Variants in TRPM3 observed in about 807,000 individuals in gnomAD.
The protein encoded by TRPM3 is long transient receptor potential channel 3.
In TRPM3, 77 loss-of-function variants were observed where a neutral mutation model predicts 181.2. That is an observed-to-expected ratio of 0.42 (90% CI 0.35 to 0.51). The LOEUF (loss-of-function observed/expected upper bound fraction) is 0.51, where lower values mean the gene tolerates loss of function less well. Ranked by LOEUF, TRPM3 falls within the 20% of genes least tolerant of loss-of-function variation. The pLI is 0.01. For synonymous variants in TRPM3, 745 were observed against 796.4 expected (o/e 0.94, Z 1.09); for missense variants, 1,759 against 2,196.7 (o/e 0.80, Z 3.98).
intron 1 of TRPM3, among the ~76,000 whole-genome samples, chr9:71,405,960 C>T (rs1438069227): frequency 2.6e-5 from 4 of 152,022 alleles, no homozygotes; most frequent in Non-Finnish European, 5.9e-5. Flanking sequence ...CATTTAATAT[C>T]GCGTTATCTT....
intron 1 of TRPM3, among the ~76,000 whole-genome samples, chr9:70,963,863 A>G (rs2097161214): frequency 6.6e-6 from 1 of 152,140 alleles, no homozygotes; most frequent in Non-Finnish European, 1.5e-5. Context: ...GTCAGAAAGA[A>G]ATCTTTTAAA....
chr9:71,006,378 A>G (rs188119340), intron 1 of TRPM3, among the ~76,000 whole-genome samples: 195 of 152,266 alleles, frequency 1.3e-3, no homozygotes, highest in Non-Finnish European at 2.5e-3. Context: ...TAAATTCTCT[A>G]ATTAAAAGAC....
At chr9:71,003,193 T>TA (rs34024667) in intron 1 of TRPM3, among the ~76,000 whole-genome samples, 39,204 of 129,098 alleles carry the variant, frequency 0.3, 7,286 homozygotes, top group African/African-American at 0.54. Flanking sequence ...TCCCTTGCCT[T>TA]AAAAAAAAAA....
intron 1 of TRPM3, among the ~76,000 whole-genome samples, chr9:71,142,219 G>A (rs1371544294): frequency 6.6e-6 from 1 of 152,152 alleles, no homozygotes; most frequent in East Asian, 1.9e-4. Context: ...TCAAGAGAGT[G>A]GCTTGAGCTG....
At chr9:71,305,767 G>C (rs758026368) in intron 1 of TRPM3, among the ~76,000 whole-genome samples, 5 of 152,206 alleles carry the variant, frequency 3.3e-5, no homozygotes, top group Middle Eastern at 6.8e-3. Context: ...AGAAGTTTTG[G>C]AGTGCTAGTA....
chr9:70,772,845 G>A (rs371394036), intron 7 of TRPM3, among the ~76,000 whole-genome samples: 2 of 151,332 alleles, frequency 1.3e-5, no homozygotes, highest in African/African-American at 4.9e-5. Flanking sequence ...CACATGTCAG[G>A]TGGATTCTCT....
intron 1 of TRPM3, among the ~76,000 whole-genome samples, chr9:71,282,298 A>AC (rs2084863916): frequency 8.8e-6 from 1 of 113,798 alleles, no homozygotes; most frequent in South Asian, 2.5e-4. Context: ...AGAAAGAAAA[A>AC]GAAAGAACGA....
At chr9:71,176,674 C>G (rs1470107210) in intron 1 of TRPM3, among the ~76,000 whole-genome samples, 1 of 152,086 alleles carries the variant, frequency 6.6e-6, no homozygotes, top group Non-Finnish European at 1.5e-5. Context: ...ACTCACCACT[C>G]ACCCACCGAC....
upstream of TRPM3, among the ~76,000 whole-genome samples, chr9:71,125,763 C>T (rs1331304936): frequency 6.6e-6 from 1 of 152,084 alleles, no homozygotes; most frequent in Non-Finnish European, 1.5e-5. Flanking sequence ...AAAACTATAA[C>T]AACCCTAGAA....
chr9:70,820,854 C>T (rs1246073234), intron 6 of TRPM3, among the ~76,000 whole-genome samples: 2 of 152,124 alleles, frequency 1.3e-5, no homozygotes, highest in Non-Finnish European at 2.9e-5. Context: ...AACTCCCAGG[C>T]TACCTGCCAC....
intron 1 of TRPM3, among the ~76,000 whole-genome samples, chr9:71,406,083 G>A (rs1463736443): frequency 6.6e-6 from 1 of 152,086 alleles, no homozygotes; most frequent in African/African-American, 2.4e-5. Context: ...AGACCATCCT[G>A]GCTAACATGG....
At position 71,446,626 on chromosome 9, in the gene TRPM3, G is replaced by A. The variant is rs78190162; in HGVS notation, c.183+27C>T. ...GTGCGAAGGGAGAAAAGAAAGCAAA[G>A]ACTGGGGCTCTCCCCCGGCCACTCA... On this transcript the variant is annotated intron_variant, in intron 1 of 24. Coordinates refer to the TRPM3 transcript ENST00000357533. 112 of 1,546,344 alleles carry A rather than the reference G, an allele frequency of 7.2e-5. No individual in the cohort carries two copies. In the East Asian group the frequency reaches 2.6e-3, roughly 36 times the overall value.
intron 1 of TRPM3, among the ~76,000 whole-genome samples, chr9:71,025,177 G>A (rs1351160126): frequency 6.6e-6 from 1 of 152,182 alleles, no homozygotes; most frequent in African/African-American, 2.4e-5. Flanking sequence ...CCAAATAGAA[G>A]CTATAATAAT....
chr9:71,177,153 G>A (rs2077145016), intron 1 of TRPM3, among the ~76,000 whole-genome samples: 1 of 152,070 alleles, frequency 6.6e-6, no homozygotes, highest in South Asian at 2.1e-4. Context: ...TACTCCTTAT[G>A]AGAATCTAAT....
intron 1 of TRPM3, among the ~76,000 whole-genome samples, chr9:71,082,735 A>G (rs1459978503): frequency 1.3e-5 from 2 of 152,178 alleles, no homozygotes; most frequent in African/African-American, 4.8e-5. Flanking sequence ...AGTGATCTAC[A>G]TCAGGAAAAA....
intron 1 of TRPM3, among the ~76,000 whole-genome samples, chr9:70,890,923 T>C (rs1450119101): frequency 6.6e-6 from 1 of 151,572 alleles, no homozygotes; most frequent in Non-Finnish European, 1.5e-5. Flanking sequence ...GGCTGGAGTG[T>C]ATGCATGAAA....
At chr9:71,435,581 G>A (rs902654097) in intron 1 of TRPM3, among the ~76,000 whole-genome samples, 12 of 152,236 alleles carry the variant, frequency 7.9e-5, no homozygotes, top group Non-Finnish European at 1.8e-4. Context: ...AAATACATGA[G>A]TATTTATCAT....
chr9:71,386,080 A>G (rs1009447449), intron 1 of TRPM3, among the ~76,000 whole-genome samples: 1 of 152,170 alleles, frequency 6.6e-6, no homozygotes, highest in Non-Finnish European at 1.5e-5. Flanking sequence ...AATGCAAAGA[A>G]TAGAGTTAAG....
rs996924567 is a variant in TRPM3 at position 71,002,008 on chromosome 9, G to A, written c.177+119170C>T. ...TGGTTGACATGTCAACACAGACAGA[G>A]GAACTACACTTAGCAATCAGGTAAA... On this transcript the variant is annotated intron_variant, in intron 1 of 25. Transcript: ENST00000677713. 2.0e-5 allele frequency among the ~76,000 whole-genome samples: 3 copies of A among 150,478 alleles called. No homozygotes were observed. In the Admixed American group the frequency reaches 2.0e-4, roughly 10 times the overall value.
Sources: gnomAD v4.1 joint callset for allele counts (sites outside exome capture counted in the v4.1 genomes callset) on GRCh38, gnomAD v4.1.1 for gene constraint, MANE v1.5 for transcripts, NCBI Gene and HGNC (gene_info 2026-07-23, HGNC 2026-07-21) for gene names.